Variants in ADCY7 observed in about 807,000 individuals in gnomAD.
ADCY7 encodes adenylate cyclase 7, also known as adenylate cyclase type 7.
Under a neutral mutation model 120.6 loss-of-function variants are expected in ADCY7, and 72 were observed. The ratio of observed to expected loss-of-function variants is 0.60; its 90% CI spans 0.49 to 0.73. The LOEUF (loss-of-function observed/expected upper bound fraction) is 0.73, where lower values mean the gene tolerates loss of function less well. ADCY7 is among the 30% of genes least tolerant of loss of function. ADCY7 has a pLI of 0.00. For missense variants in ADCY7, 1,227 were observed against 1,486.0 expected, an observed-to-expected ratio of 0.83 and a Z score of 2.87; for synonymous variants, 661 against 628.0, an observed-to-expected ratio of 1.05 and a Z score of -0.78.
rs543457065 is a variant in ADCY7 at position 50,279,896 on chromosome 16, T to C, written c.-268-8016T>C. Among the ~76,000 whole-genome samples, 6 of 152,274 alleles carry C rather than the reference T, an allele frequency of 3.9e-5. No homozygotes were observed. The South Asian group carries it at 1.2e-3, about 32-fold the overall frequency. On this transcript the variant is annotated intron_variant, in intron 1 of 25. Transcript: ENST00000673801. ...AGGATTTCAGGAACAAAGAACACTT[T>C]TTTTTTCCTTTTTTTGTTGTGTCTC... is the stretch of plus-strand genomic sequence containing the variant.
rs1422888436 is a variant in ADCY7, at chr16:50,312,061, G to C, written c.2474G>C (p.Cys825Ser). The C allele has an allele frequency of 6.2e-7, 1 of 1,614,240 alleles. No individual in the cohort carries two copies. The highest frequency in any genetic ancestry group is 8.5e-7 in the Non-Finnish European group (1 of 1,180,050). The change falls in exon 21 of 26, where the codon TGC becomes TCC. Residue 825 changes from cysteine (C) to serine (S), a missense_variant. Physicochemically the swap from Cys to Ser is moderately radical, Grantham distance 112 (BLOSUM62 -1). This residue lies in a region of ADCY7 where 267 missense variants were observed against 270.0 expected (regional missense o/e 0.99). Transcript: ENST00000673801. ...ATTGACTATTACTGCCGCTTGGACT[G>C]CCTATGGAAGAAGAAGTTCAAGAAG... Reference protein sequence around the residue: ...RQIDYYCRLDCLWKKKFKKEH... With the variant: ...RQIDYYCRLDSLWKKKFKKEH...
intron 1 of ADCY7, among the ~76,000 whole-genome samples, chr16:50,281,814 G>A (rs965281651): frequency 1.3e-5 from 2 of 152,336 alleles, no homozygotes; most frequent in East Asian, 3.9e-4. Flanking sequence ...TCTTAGGTCA[G>A]GCTTGCACTG....
intron 8 of ADCY7, among the ~76,000 whole-genome samples, chr16:50,299,742 G>T (rs2035593074): frequency 6.6e-6 from 1 of 152,236 alleles, no homozygotes; most frequent in Admixed American, 6.5e-5. Flanking sequence ...ACCTCAGGCT[G>T]GCCCCTGCCC....
Position 50,312,196 on chromosome 16 carries a change from G to T in ADCY7, c.2604+5G>T. The T allele has an allele frequency of 6.2e-7, 1 of 1,606,028 alleles. No individual in the cohort carries two copies. Among genetic ancestry groups the T allele is most frequent in the East Asian group, 2.2e-5 (1 of 44,446 alleles). Reference sequence around the variant, plus strand: ...ATCGGTGACAAGTTAAACGAGGTGTGCTGAGAAGGGGCTGGGGCGGGGGCA... The same window carrying T: ...ATCGGTGACAAGTTAAACGAGGTGTTCTGAGAAGGGGCTGGGGCGGGGGCA... On this transcript the variant is annotated splice_donor_5th_base_variant and intron_variant, in intron 21 of 25. Coordinates refer to ENST00000673801, the MANE Select transcript of ADCY7 (RefSeq NM_001114.5).
chr16:50,308,237 G>T, intron 15 of ADCY7, 90 bp from the exon 16 acceptor site: 1 of 988,158 alleles, frequency 1.0e-6, no homozygotes, highest in Non-Finnish European at 1.5e-6. Context: ...GTAGGGTGGG[G>T]ACAGGTGGCT....
At chr16:50,304,240 T>C in intron 10 of ADCY7, 120 bp from the exon 11 acceptor site, 1 of 1,056,380 alleles carries the variant, frequency 9.5e-7, no homozygotes, top group Non-Finnish European at 1.2e-6. Flanking sequence ...CTTTGCTGTT[T>C]ATTTTTTCAC....
chr16:50,253,194 C>A (rs2032810517), intron 1 of ADCY7, among the ~76,000 whole-genome samples: 1 of 152,194 alleles, frequency 6.6e-6, no homozygotes, highest in Non-Finnish European at 1.5e-5. Flanking sequence ...TAGCTAAGTC[C>A]TTGCATGTAG....
rs1198924462 is a variant in ADCY7 at position 50,308,319 on chromosome 16, C to T, written c.1851-8C>T. The T allele has an allele frequency of 6.2e-7, 1 of 1,614,212 alleles. No individual in the cohort carries two copies. On this transcript the variant is annotated splice_region_variant and splice_polypyrimidine_tract_variant and intron_variant, in intron 15 of 25. Coordinates refer to ENST00000673801, the MANE Select transcript of ADCY7 (RefSeq NM_001114.5). ...TAGGCAGAACTGAGGTTCTTCCCTC[C>T]TCTCCAGGACGGCGGCACTGGGTGT...
At chr16:50,257,232 G>A (rs1432263457) in intron 1 of ADCY7, among the ~76,000 whole-genome samples, 3 of 150,678 alleles carry the variant, frequency 2.0e-5, no homozygotes, top group Non-Finnish European at 2.9e-5. Context: ...AAATGCAAAA[G>A]ACCACCACCA....
At chr16:50,279,122 T>G (rs1277731006) in intron 1 of ADCY7, among the ~76,000 whole-genome samples, 2 of 152,200 alleles carry the variant, frequency 1.3e-5, no homozygotes, top group African/African-American at 2.4e-5. Context: ...TCCACCTGCC[T>G]TGGCCTCCCA....
chr16:50,291,622 AGG>A (rs2034968271), intron 3 of ADCY7, 112 bp from the exon 4 acceptor site: 3 of 1,235,468 alleles, frequency 2.4e-6, no homozygotes, highest in Non-Finnish European at 3.5e-6. Flanking sequence ...GGGGGTGGCG[AGG>A]GAGCCAACCT....
chr16:50,290,448 T>G lies in ADCY7; in HGVS notation c.172-9T>G. ...AGCCGAGGCATTCCTGTCTGTTTGCTCCACCCAGGACCCCTCCAGACACCA... is the reference window on the plus strand; with the variant it reads ...AGCCGAGGCATTCCTGTCTGTTTGCGCCACCCAGGACCCCTCCAGACACCA... On this transcript the variant is annotated splice_polypyrimidine_tract_variant and intron_variant, in intron 2 of 25. Transcript: ENST00000673801. The G allele has an allele frequency of 6.2e-7, 1 of 1,613,968 alleles. No homozygotes were observed. Among genetic ancestry groups the G allele is most frequent in the Non-Finnish European group, 8.5e-7 (1 of 1,179,976 alleles).
At position 50,316,781 on chromosome 16, in the gene ADCY7, G is replaced by A. The variant is rs1434057172; in HGVS notation, c.*1276G>A. ...GGTGAGAAATGACCAAACTGCCCGT[G>A]ACTTTTTCTGAATGGACTTCATAAC... On this transcript the variant is annotated 3_prime_UTR_variant, in exon 26 of 26. Coordinates refer to ENST00000673801, the MANE Select transcript of ADCY7 (RefSeq NM_001114.5). 2 of 152,394 alleles carry A rather than the reference G, an allele frequency of 1.3e-5. No homozygotes were observed. The highest frequency in any genetic ancestry group is 1.3e-4 in the Admixed American group (2 of 15,286). The allele number at this position is 152,394 out of a possible 1,614,324, so 9.4% of individuals were successfully genotyped here.
chr16:50,260,395 G>A (rs925433201), intron 1 of ADCY7, among the ~76,000 whole-genome samples: 7 of 152,168 alleles, frequency 4.6e-5, no homozygotes, highest in Non-Finnish European at 7.3e-5. Flanking sequence ...GAGAAAGAGA[G>A]GACTTGAGAC....
At chr16:50,301,028 G>A (rs2035683618) in intron 9 of ADCY7, 54 bp from the exon 10 acceptor site, 2 of 1,596,602 alleles carry the variant, frequency 1.3e-6, no homozygotes, top group African/African-American at 1.3e-5. Context: ...ATCCCTGGGT[G>A]GATGCCAGCC....
At chr16:50,256,139 C>A (rs1381900083) in intron 1 of ADCY7, among the ~76,000 whole-genome samples, 2 of 152,102 alleles carry the variant, frequency 1.3e-5, no homozygotes. Context: ...ACAGAAGAGA[C>A]AACCGATAGA....
At position 50,310,792 on chromosome 16, in the gene ADCY7, C is replaced by A. The variant is rs145636318; in HGVS notation, c.2266C>A (p.Leu756Met). ...GCTGACAGTGGCCCTGGTGGCCTAC[C>A]TGGTGCTCTTCAACCTCTCCCCATG... ...VLLTVALVAY[L>M]VLFNLSPCWQ... The change falls in exon 19 of 26, where the codon CTG becomes ATG. Residue 756 changes from leucine (L) to methionine (M), a missense_variant. This residue lies in a region of ADCY7 where 267 missense variants were observed against 270.0 expected (regional missense o/e 0.99). Transcript: ENST00000673801. 1 of 1,614,056 alleles carries A rather than the reference C, an allele frequency of 6.2e-7. No homozygotes were observed. The highest frequency in any genetic ancestry group is 8.5e-7 in the Non-Finnish European group (1 of 1,180,022).
At chr16:50,281,322 G>C (rs1385585710) in intron 1 of ADCY7, among the ~76,000 whole-genome samples, 1 of 152,266 alleles carries the variant, frequency 6.6e-6, no homozygotes, top group Non-Finnish European at 1.5e-5. Flanking sequence ...GCAGAGCTGG[G>C]ATTGGGTGCA....
chr16:50,250,470 A>C (rs1007620753), intron 1 of ADCY7, among the ~76,000 whole-genome samples: 25 of 151,742 alleles, frequency 1.6e-4, no homozygotes, highest in Non-Finnish European at 2.6e-4. Context: ...AAAAAAAAAA[A>C]AAAAAAAAAC....
Sources: allele counts gnomAD v4.1 joint callset (sites outside exome capture counted in the v4.1 genomes callset), GRCh38; gene constraint gnomAD v4.1.1; regional missense constraint gnomAD v4.1.1; transcripts MANE v1.5; gene names NCBI Gene and HGNC (gene_info 2026-07-23, HGNC 2026-07-21).